The following WDPCP variants were observed in gnomAD, a reference collection of about 807,000 sequenced individuals.
The protein encoded by WDPCP is WD repeat-containing and planar cell polarity effector protein fritz homolog.
In WDPCP, 71 loss-of-function variants were observed where a neutral mutation model predicts 93.1. The ratio of observed to expected loss-of-function variants is 0.76; its 90% CI spans 0.63 to 0.93. The LOEUF is 0.93. Ranked by LOEUF, WDPCP falls within the 40% of genes least tolerant of loss-of-function variation. The pLI, the probability that WDPCP is intolerant of heterozygous loss-of-function variation, is 0.00. For missense variants in WDPCP, 844 were observed against 887.4 expected, an observed-to-expected ratio of 0.95 and a Z score of 0.62; for synonymous variants, 315 against 315.0, an observed-to-expected ratio of 1.00 and a Z score of 0.00.
chr2:63,363,314 T>C (rs1476902571), intron 12 of WDPCP, among the ~76,000 whole-genome samples: 1 of 152,104 alleles, frequency 6.6e-6, no homozygotes, highest in Non-Finnish European at 1.5e-5. Context: ...TAAAGAATAT[T>C]ATGGCTGGGC....
chr2:63,589,095 G>C (rs1034189254), upstream of WDPCP: 1 of 1,614,122 alleles, frequency 6.2e-7, no homozygotes, highest in Non-Finnish European at 8.5e-7. Context: ...TCGCGCCCTT[G>C]AGTGGGGTTT....
intron 3 of WDPCP, among the ~76,000 whole-genome samples, chr2:63,613,430 G>A (rs1415536718): frequency 6.6e-6 from 1 of 152,224 alleles, no homozygotes; most frequent in African/African-American, 2.4e-5. Context: ...TAGGCAAGGA[G>A]CCTGGGGCTT....
rs759133929 is a variant in WDPCP at position 63,675,351 on chromosome 2, G to A, written n.309-24513C>T. 3.0e-4 allele frequency among the ~76,000 whole-genome samples: 46 copies of A among 152,158 alleles called. 1 individual carries two copies. Among genetic ancestry groups the A allele is most frequent in the Non-Finnish European group, 6.2e-4 (42 of 68,022 alleles). On this transcript the variant is annotated intron_variant and non_coding_transcript_variant, in intron 2 of 4. Coordinates refer to the WDPCP transcript ENST00000467687. ...GGGATTCCCTCAAAGCTCTCTGGGTGTTTCTATCATACTCTCTCCATCTGG... is the reference window on the plus strand; with the variant it reads ...GGGATTCCCTCAAAGCTCTCTGGGTATTTCTATCATACTCTCTCCATCTGG...
chr2:63,136,082 G>C lies in WDPCP; in HGVS notation c.2191-14026C>G, dbSNP rs1670597026. ...TCTTGAGAAGTGAACAGGCAGTAAT[G>C]TATTCTATTAAAGATGTAGCCATTG... On this transcript the variant is annotated intron_variant, in intron 17 of 17. Coordinates refer to ENST00000272321, the MANE Select transcript of WDPCP (RefSeq NM_015910.7). 2.0e-5 allele frequency among the ~76,000 whole-genome samples: 3 copies of C among 152,136 alleles called. No homozygotes were observed. The South Asian group carries it at 6.2e-4, about 31-fold the overall frequency.
chr2:63,781,653 G>A (rs779110342), intron 2 of WDPCP, among the ~76,000 whole-genome samples: 3 of 152,154 alleles, frequency 2.0e-5, no homozygotes, highest in Non-Finnish European at 4.4e-5. Context: ...ACAATCTGTG[G>A]GATATGTGCA....
intron 2 of WDPCP, among the ~76,000 whole-genome samples, chr2:63,655,061 C>A (rs189257101): frequency 4.1e-4 from 62 of 152,294 alleles, no homozygotes; most frequent in African/African-American, 1.4e-3. Context: ...TTCACCATCT[C>A]AGCTCAGAAA....
rs958983907 is a variant in WDPCP, at chr2:63,684,539, C to T, written n.309-33701G>A. The T allele has an allele frequency of 2.9e-5, 21 of 715,104 alleles. No individual in the cohort carries two copies. In the African/African-American group the frequency reaches 3.3e-4, roughly 11 times the overall value. The allele number at this position is 715,104 out of a possible 1,614,324, so 44.3% of individuals were successfully genotyped here. ...TTTTGTGAGAGTTTATAACTATAAT[C>T]ACCTAATGCCCACAAGGTACTCTGT... On this transcript the variant is annotated intron_variant and non_coding_transcript_variant, in intron 2 of 4. Coordinates refer to the WDPCP transcript ENST00000467687.
chr2:63,501,786 T>C (rs1701570572), intron 1 of WDPCP, among the ~76,000 whole-genome samples: 1 of 152,084 alleles, frequency 6.6e-6, no homozygotes, highest in South Asian at 2.1e-4. Flanking sequence ...AAGGTTAATT[T>C]TGTATTTTTA....
chr2:63,291,032 C>G (rs1224247448), intron 13 of WDPCP, among the ~76,000 whole-genome samples: 2 of 152,116 alleles, frequency 1.3e-5, no homozygotes, highest in African/African-American at 4.8e-5. Context: ...TTCCATAAGT[C>G]ACTGAGACTC....
rs1028888482 is a variant in WDPCP, at chr2:63,453,100, A to C, written c.385-13229T>G. On this transcript the variant is annotated intron_variant, in intron 6 of 17. Coordinates refer to ENST00000272321, the MANE Select transcript of WDPCP (RefSeq NM_015910.7). Reference sequence around the variant, plus strand: ...AAGCCAAAATTGACAAATGGGATCTAATTAAACTAAAGAGCTTCTGCACAG... The same window carrying C: ...AAGCCAAAATTGACAAATGGGATCTCATTAAACTAAAGAGCTTCTGCACAG... Among the ~76,000 whole-genome samples, 10 of 152,340 alleles carry C rather than the reference A, an allele frequency of 6.6e-5. No homozygotes were observed. In the East Asian group the frequency reaches 1.5e-3, roughly 23 times the overall value.
intron 14 of WDPCP, among the ~76,000 whole-genome samples, chr2:63,207,560 TTGAG>T (rs1047833796): frequency 1.3e-5 from 2 of 152,224 alleles, no homozygotes; most frequent in African/African-American, 4.8e-5. Flanking sequence ...CACCTTTTTC[TTGAG>T]TATCTTAAAT....
At chr2:63,702,170 C>T (rs943697528) in intron 2 of WDPCP, among the ~76,000 whole-genome samples, 14 of 151,760 alleles carry the variant, frequency 9.2e-5, no homozygotes, top group African/African-American at 2.7e-4. Context: ...GGATTATAGA[C>T]GCATGCCACC....
chr2:63,686,535 A>T (rs1668806225), intron 2 of WDPCP, among the ~76,000 whole-genome samples: 2 of 152,180 alleles, frequency 1.3e-5, no homozygotes, highest in African/African-American at 4.8e-5. Context: ...TGCAGATTTG[A>T]TGCAATCCAT....
chr2:63,646,454 T>C (rs1250955829), intron 3 of WDPCP, among the ~76,000 whole-genome samples: 2 of 152,174 alleles, frequency 1.3e-5, no homozygotes, highest in African/African-American at 4.8e-5. Context: ...TACATTATTA[T>C]AATATTCTGT....
upstream of WDPCP, among the ~76,000 whole-genome samples, chr2:63,829,843 C>T (rs1412755405): frequency 1.3e-5 from 2 of 151,968 alleles, no homozygotes; most frequent in Non-Finnish European, 1.5e-5. Context: ...CAATTTTGTA[C>T]ATCTTATTCA....
chr2:63,734,496 AAATT>A (rs1669611440), intron 2 of WDPCP, among the ~76,000 whole-genome samples: 1 of 152,168 alleles, frequency 6.6e-6, no homozygotes, highest in South Asian at 2.1e-4. Context: ...CCAAAAAAAT[AAATT>A]AATTAATTAA....
At chr2:63,750,166 G>T (rs919252464) in intron 2 of WDPCP, among the ~76,000 whole-genome samples, 1 of 152,052 alleles carries the variant, frequency 6.6e-6, no homozygotes, top group Non-Finnish European at 1.5e-5. Flanking sequence ...GGCAATCGGT[G>T]ATTGGGAGAC....
chr2:63,134,287 T>C, intron 17 of WDPCP, among the ~76,000 whole-genome samples: 1 of 152,334 alleles, frequency 6.6e-6, no homozygotes, highest in Non-Finnish European at 1.5e-5. Flanking sequence ...TATTTTATTT[T>C]TCCTCCAAAA....
chr2:63,157,996 T>A (rs1307107690), intron 15 of WDPCP, among the ~76,000 whole-genome samples: 2 of 151,752 alleles, frequency 1.3e-5, no homozygotes, highest in Non-Finnish European at 2.9e-5. Flanking sequence ...AGCATTTAAT[T>A]GAGTAAAATT....
Sources: gnomAD v4.1 joint callset for allele counts (sites outside exome capture counted in the v4.1 genomes callset) on GRCh38, gnomAD v4.1.1 for gene constraint, MANE v1.5 for transcripts, NCBI Gene and HGNC (gene_info 2026-07-23, HGNC 2026-07-21) for gene names.